The following ABCA8 variants were observed in gnomAD, a reference collection of about 807,000 sequenced individuals.
ABCA8 encodes the protein ATP binding cassette subfamily A member 8.
ABCA8 carries 177 observed loss-of-function variants against 192.3 expected under a neutral mutation model. That is an observed-to-expected ratio of 0.92 (90% confidence interval 0.81 to 1.04). ABCA8 has a LOEUF of 1.04. Ranked by LOEUF, ABCA8 falls within the 50% of genes least tolerant of loss-of-function variation. The pLI is 0.00. For synonymous variants in ABCA8, 642 were observed against 690.2 expected, an observed-to-expected ratio of 0.93 and a Z score of 1.09; for missense variants, 1,915 against 1,904.8, an observed-to-expected ratio of 1.01 and a Z score of -0.10.
In ABCA8 at chr17:68,903,437, T is replaced by C; in HGVS notation, c.2461A>G (p.Met821Val). The change falls in exon 20 of 40, where the codon ATG becomes GTG. Residue 821 changes from methionine to valine, a missense_variant. By Grantham distance (21) the Met-to-Val change is conservative (BLOSUM62 1). Coordinates refer to ENST00000586539, the MANE Select transcript of ABCA8 (RefSeq NM_001288985.2). Reference protein sequence around the residue: ...KADDTERLVEMEQVLSSLNKM... With the variant: ...KADDTERLVEVEQVLSSLNKM... ...TTAAGTGAAGAGAGGACTTGTTCCATCTCAACAAGCCTTTCAGTGTCGTCA... is the reference window on the plus strand; with the variant it reads ...TTAAGTGAAGAGAGGACTTGTTCCACCTCAACAAGCCTTTCAGTGTCGTCA... 2.5e-6 allele frequency: 4 copies of C among 1,614,148 alleles called. No homozygotes were observed. The South Asian group carries it at 3.3e-5, about 13-fold the overall frequency.
At chr17:68,941,117 T>TA in intron 3 of ABCA8, among the ~76,000 whole-genome samples, 155 bp from the exon 4 acceptor site, 1 of 152,270 alleles carries the variant, frequency 6.6e-6, no homozygotes, top group Non-Finnish European at 1.5e-5. Context: ...CAATGTGTTT[T>TA]AAGAGATAGT....
At chr17:68,918,604 T>C in intron 14 of ABCA8, 58 bp from the exon 15 acceptor site, 1 of 1,422,464 alleles carries the variant, frequency 7.0e-7, no homozygotes, top group Non-Finnish European at 9.2e-7. Context: ...TTTAAAAATT[T>C]ATAAATACAA....
At chr17:68,872,733 C>A (rs1279626854) in intron 37 of ABCA8, among the ~76,000 whole-genome samples, 4 of 152,028 alleles carry the variant, frequency 2.6e-5, no homozygotes, top group Non-Finnish European at 5.9e-5. Context: ...ATAATCCTGA[C>A]TCTGTGTAGG....
chr17:68,918,267 A>T, intron 15 of ABCA8, 82 bp from the exon 16 acceptor site: 1 of 1,561,670 alleles, frequency 6.4e-7, no homozygotes, highest in Non-Finnish European at 8.7e-7. Context: ...CATATTGATT[A>T]TATTTAACAG....
intron 35 of ABCA8, 124 bp from the exon 36 acceptor site, chr17:68,875,857 G>C (rs1250760806): frequency 1.3e-5 from 15 of 1,149,530 alleles, no homozygotes; most frequent in Non-Finnish European, 1.7e-5. Flanking sequence ...AGTAAAAGAG[G>C]GTTCTTAATA....
At chr17:68,930,056 T>G (rs539164060) in intron 7 of ABCA8, among the ~76,000 whole-genome samples, 10 of 152,306 alleles carry the variant, frequency 6.6e-5, no homozygotes, top group Admixed American at 3.9e-4. Context: ...ATTCTTGCTC[T>G]GTAACCTTGG....
At chr17:68,882,164 C>A (rs1472868496) in intron 30 of ABCA8, among the ~76,000 whole-genome samples, 184 bp from the exon 31 acceptor site, 3 of 152,158 alleles carry the variant, frequency 2.0e-5, no homozygotes, top group Non-Finnish European at 4.4e-5. Context: ...AGAGGAGAGA[C>A]TCATTTTCCT....
rs7207581 is a variant in ABCA8, at chr17:68,915,426, T to C, written c.2138+1935A>G. Among the ~76,000 whole-genome samples, 416 of 152,118 alleles carry C rather than the reference T, an allele frequency of 2.7e-3. 3 individuals are homozygous for C. Among genetic ancestry groups the C allele is most frequent in the African/African-American group, 9.6e-3 (398 of 41,526 alleles). On this transcript the variant is annotated intron_variant, in intron 17 of 39. Coordinates refer to ENST00000586539, the MANE Select transcript of ABCA8 (RefSeq NM_001288985.2). ...TATATAAAGAGCTCAAACAACTTAA[T>C]AGGAAAAAATCTAATAATCCAATTC...
intron 17 of ABCA8, among the ~76,000 whole-genome samples, chr17:68,910,502 C>T (rs1312622377): frequency 1.3e-5 from 2 of 152,144 alleles, no homozygotes; most frequent in Non-Finnish European, 2.9e-5. Flanking sequence ...TCTAAATAAA[C>T]GTAGGACCAC....
chr17:68,887,911 T>TATATATATATATATATATATATCC (rs2066518900), intron 24 of ABCA8, among the ~76,000 whole-genome samples: 3 of 19,962 alleles, frequency 1.5e-4, no homozygotes, highest in East Asian at 0.017. Context: ...TATATATCCA[T>TATATATATATATATATATATATCC]ATATATATAT....
chr17:68,924,363 G>A (rs1028325352), intron 11 of ABCA8, among the ~76,000 whole-genome samples: 1 of 150,026 alleles, frequency 6.7e-6, no homozygotes, highest in African/African-American at 2.4e-5. Context: ...AAAAAAGGGA[G>A]ATAGATGAGG....
At chr17:68,945,780 T>C (rs934090335) in intron 2 of ABCA8, among the ~76,000 whole-genome samples, 3 of 152,092 alleles carry the variant, frequency 2.0e-5, no homozygotes, top group Non-Finnish European at 2.9e-5. Flanking sequence ...AGCAGATATG[T>C]GTGTGTTTGT....
At chr17:68,908,200 C>A (rs1388138912) in intron 17 of ABCA8, among the ~76,000 whole-genome samples, 1 of 152,058 alleles carries the variant, frequency 6.6e-6, no homozygotes, top group Non-Finnish European at 1.5e-5. Context: ...GTGGAAAATA[C>A]CAGGGTTGCA....
chr17:68,867,504 T>C lies in ABCA8; in HGVS notation c.*581A>G, dbSNP rs987399599. ...AAAAAGTACAATATATTTGAAATAG[T>C]AGGGTTTTTGTTTTCCATTTATGCC... On this transcript the variant is annotated 3_prime_UTR_variant, in exon 40 of 40. Coordinates refer to ENST00000586539, the MANE Select transcript of ABCA8 (RefSeq NM_001288985.2). 2 of 152,146 alleles carry C rather than the reference T, an allele frequency of 1.3e-5. No individual in the cohort carries two copies. Among genetic ancestry groups the C allele is most frequent in the African/African-American group, 4.8e-5 (2 of 41,438 alleles). 9.4% of individuals were successfully genotyped at this position (152,146 alleles called of 1,614,324 possible). A position where few individuals can be genotyped will look rare whatever the true frequency, so the allele number is the denominator to read the frequency against.
At chr17:68,928,783 T>A (rs1022441008) in intron 9 of ABCA8, among the ~76,000 whole-genome samples, 1 of 152,240 alleles carries the variant, frequency 6.6e-6, no homozygotes, top group Non-Finnish European at 1.5e-5. Flanking sequence ...CACATGTCCA[T>A]ATTTAATTAA....
intron 7 of ABCA8, among the ~76,000 whole-genome samples, chr17:68,930,303 TC>T (rs1350846118): frequency 6.6e-6 from 1 of 152,178 alleles, no homozygotes; most frequent in Non-Finnish European, 1.5e-5. Context: ...TGTCACTCCT[TC>T]CCCAAAAGCT....
Position 68,891,686 on chromosome 17 carries a change from C to T in ABCA8, c.3037-90G>A, listed in dbSNP as rs2066627391. 6.5e-6 allele frequency: 6 copies of T among 929,222 alleles called. No individual in the cohort carries two copies. The Admixed American group carries it at 1.4e-4, about 22-fold the overall frequency. 57.6% of individuals were successfully genotyped at this position (929,222 alleles called of 1,614,324 possible). ...TTTTTAAAATTTTAGACTAAGTTTA[C>T]ATAATTCTGCCTTAGGTCCCTTTTG... On this transcript the variant is annotated intron_variant, in intron 23 of 39. Transcript: ENST00000586539.
intron 13 of ABCA8, among the ~76,000 whole-genome samples, chr17:68,920,999 ACC>A (rs1225195572): frequency 1.3e-5 from 2 of 152,216 alleles, no homozygotes; most frequent in Non-Finnish European, 2.9e-5. Flanking sequence ...GCACATATAC[ACC>A]ATGGAATACT....
At chr17:68,925,078 A>C (rs563801975) in intron 10 of ABCA8, among the ~76,000 whole-genome samples, 9 of 152,240 alleles carry the variant, frequency 5.9e-5, no homozygotes, top group African/African-American at 1.4e-4. Flanking sequence ...GGAAGCAATG[A>C]AACTGTGATT....
Sources: gnomAD v4.1 joint callset for allele counts (sites outside exome capture counted in the v4.1 genomes callset) on GRCh38, gnomAD v4.1.1 for gene constraint, MANE v1.5 for transcripts, NCBI Gene and HGNC (gene_info 2026-07-23, HGNC 2026-07-21) for gene names.